The following ERBB4 variants were observed in gnomAD, a reference collection of about 807,000 sequenced individuals.
ERBB4 encodes the protein receptor tyrosine-protein kinase erbB-4.
In ERBB4, 42 loss-of-function variants were observed where a neutral mutation model predicts 158.0. That is an observed-to-expected ratio of 0.27 (90% CI 0.21 to 0.34). The LOEUF is 0.34. Ranked by LOEUF, ERBB4 falls within the 10% of genes least tolerant of loss-of-function variation. The pLI, the probability that ERBB4 is intolerant of heterozygous loss-of-function variation, is 1.00. For synonymous variants in ERBB4, 583 were observed against 558.7 expected, an observed-to-expected ratio of 1.04 and a Z score of -0.61; for missense variants, 1,333 against 1,624.1, an observed-to-expected ratio of 0.82 and a Z score of 3.08.
chr2:212,071,223 A>T lies in ERBB4; in HGVS notation c.234+53529T>A, dbSNP rs570955038. On this transcript the variant is annotated intron_variant, in intron 2 of 27. Coordinates refer to ENST00000342788, the MANE Select transcript of ERBB4 (RefSeq NM_005235.3). ...ACTTGATATAAAAATATTTTTAACAAACATCTATCTGATCTGGTCCATACC... is the reference window on the plus strand; with the variant it reads ...ACTTGATATAAAAATATTTTTAACATACATCTATCTGATCTGGTCCATACC... Among the ~76,000 whole-genome samples, 3 of 152,110 alleles carry T rather than the reference A, an allele frequency of 2.0e-5. No individual in the cohort carries two copies. In the South Asian group the frequency reaches 6.2e-4, roughly 31 times the overall value.
At chr2:211,804,952 C>T (rs1284449173) in intron 3 of ERBB4, among the ~76,000 whole-genome samples, 3 of 143,684 alleles carry the variant, frequency 2.1e-5, no homozygotes, top group Non-Finnish European at 4.5e-5. Context: ...TGGTGTGTTG[C>T]TCTGTCACCC....
At chr2:211,678,940 CA>C in intron 13 of ERBB4, 111 bp downstream of exon 13, 1 of 1,035,682 alleles carries the variant, frequency 9.7e-7, no homozygotes, top group African/African-American at 1.9e-5. Flanking sequence ...GCACTCCAGC[CA>C]GGGCGACAGA....
chr2:212,302,538 A>G (rs1479171924), intron 1 of ERBB4, among the ~76,000 whole-genome samples: 1 of 151,462 alleles, frequency 6.6e-6, no homozygotes, highest in African/African-American at 2.4e-5. Context: ...TACCTCATAT[A>G]ATTGCAGTAC....
chr2:211,994,380 C>T (rs920965581), intron 2 of ERBB4, among the ~76,000 whole-genome samples: 1 of 152,144 alleles, frequency 6.6e-6, no homozygotes, highest in Non-Finnish European at 1.5e-5. Flanking sequence ...CTCTCCTCCC[C>T]CATTGGCCTC....
At chr2:212,511,780 C>T (rs1433619506) in intron 1 of ERBB4, among the ~76,000 whole-genome samples, 2 of 150,270 alleles carry the variant, frequency 1.3e-5, no homozygotes, top group Admixed American at 1.3e-4. Context: ...TGGCCATAAA[C>T]GTGGCTTAAA....
rs1574501180 is a variant in ERBB4 at position 211,383,205 on chromosome 2, T to A, written c.*410A>T. Reference sequence around the variant, plus strand: ...ATATGCACACATCAGTTCCTGCAGATAGGAACAGATAGCATGGGTGTTTCA... The same window carrying A: ...ATATGCACACATCAGTTCCTGCAGAAAGGAACAGATAGCATGGGTGTTTCA... On this transcript the variant is annotated 3_prime_UTR_variant, in exon 28 of 28. Transcript: ENST00000342788. 4.2e-6 allele frequency: 1 copy of A among 239,144 alleles called. No individual in the cohort carries two copies. The allele number at this position is 239,144 out of a possible 1,614,324, so 14.8% of individuals were successfully genotyped here.
rs1188138692 is a variant in ERBB4 at position 212,008,585 on chromosome 2, G to A, written c.235-60969C>T. 2.0e-5 allele frequency among the ~76,000 whole-genome samples: 3 copies of A among 152,136 alleles called. No homozygotes were observed. The East Asian group carries it at 5.8e-4, about 29-fold the overall frequency. Reference sequence around the variant, plus strand: ...GCAATATAGAGAATGAGAAGACAGTGACTATACTCATTTTAACAGTTCACA... The same window carrying A: ...GCAATATAGAGAATGAGAAGACAGTAACTATACTCATTTTAACAGTTCACA... On this transcript the variant is annotated intron_variant, in intron 2 of 27. Transcript: ENST00000342788.
At chr2:211,991,569 G>A (rs1003666830) in intron 2 of ERBB4, among the ~76,000 whole-genome samples, 2 of 152,092 alleles carry the variant, frequency 1.3e-5, no homozygotes, top group Admixed American at 6.6e-5. Context: ...TCCCAGGAAA[G>A]GAGATATATA....
intron 20 of ERBB4, among the ~76,000 whole-genome samples, chr2:211,472,667 C>A (rs2125529421): frequency 6.6e-6 from 1 of 151,988 alleles, no homozygotes; most frequent in African/African-American, 2.4e-5. Flanking sequence ...TCTCTAATCA[C>A]CTTTTACTTA....
chr2:211,621,345 AT>A (rs1240024525), intron 18 of ERBB4, among the ~76,000 whole-genome samples: 2 of 152,260 alleles, frequency 1.3e-5, no homozygotes, highest in Admixed American at 6.5e-5. Context: ...GGAGAAAAAA[AT>A]AATCAAATAA....
rs190892132 is a variant in ERBB4, at chr2:211,383,912, G to A, written c.3630C>T (p.Asn1210=). ...CTTTTCCCAAGGTGTTGGCAAAGGT[G>A]TTGAGGTACAGTGGCTCATTCACAT... The part of the protein sequence containing the change: ...DEYVNEPLYL[N]TFANTLGKAE... The change falls in exon 28 of 28, where the codon AAC becomes AAT. Residue 1210 remains asparagine (N), a synonymous_variant. Coordinates refer to ENST00000342788, the MANE Select transcript of ERBB4 (RefSeq NM_005235.3). 146 of 1,614,096 alleles carry A rather than the reference G, an allele frequency of 9.0e-5. No individual in the cohort carries two copies. The highest frequency in any genetic ancestry group is 3.3e-4 in the Middle Eastern group (2 of 6,062).
At chr2:212,273,040 T>C (rs1395977147) in intron 1 of ERBB4, among the ~76,000 whole-genome samples, 1 of 151,738 alleles carries the variant, frequency 6.6e-6, no homozygotes, top group Non-Finnish European at 1.5e-5. Flanking sequence ...TATTTACATA[T>C]GTTTACTGAC....
At position 211,750,696 on chromosome 2, in the gene ERBB4, A is replaced by T. The variant is rs1372741004; in HGVS notation, c.565T>A (p.Cys189Ser). Residue 189 changes from cysteine (C) to serine (S), a missense_variant, in exon 5 of 28, where the codon TGC becomes AGC. Physicochemically the swap from Cys to Ser is moderately radical, Grantham distance 112. Transcript: ENST00000342788. ...STNGSSGCGR[C>S]HKSCTGRCWG... ...CAACGGCCAGTACAGGACTTATGGC[A>T]ACGTCCACCTGCAGAACACGAAAAG... The T allele has an allele frequency of 6.2e-7, 1 of 1,613,916 alleles. No individual in the cohort carries two copies. The highest frequency in any genetic ancestry group is 8.5e-7 in the Non-Finnish European group (1 of 1,179,836).
intron 3 of ERBB4, among the ~76,000 whole-genome samples, chr2:211,793,492 G>C (rs1330604646): frequency 6.6e-6 from 1 of 151,762 alleles, no homozygotes; most frequent in East Asian, 1.9e-4. Flanking sequence ...AAGTCAAAGG[G>C]CAGAATCAAG....
At position 211,420,531 on chromosome 2, in the gene ERBB4, A is replaced by G. The variant is rs2125403784; in HGVS notation, c.3045T>C (p.Asp1015=). 1.9e-6 allele frequency: 3 copies of G among 1,612,764 alleles called. No individual in the cohort carries two copies. The highest frequency in any genetic ancestry group is 1.1e-5 in the South Asian group (1 of 91,044). ...QNLLDEEDLE[D]MMDAEEYLVP... Reference sequence around the variant, plus strand: ...CCAAGTACTCCTCAGCATCCATCATATCTTCCAAATCCTCTTCATCCAAGA... The same window carrying G: ...CCAAGTACTCCTCAGCATCCATCATGTCTTCCAAATCCTCTTCATCCAAGA... The change falls in exon 25 of 28, where the codon GAT becomes GAC. Residue 1015 remains aspartate (D), a synonymous_variant. Coordinates refer to ENST00000342788, the MANE Select transcript of ERBB4 (RefSeq NM_005235.3).
intron 1 of ERBB4, among the ~76,000 whole-genome samples, chr2:212,533,392 A>G (rs552008628): frequency 6.6e-6 from 1 of 152,350 alleles, no homozygotes; most frequent in South Asian, 2.1e-4. Context: ...TCTCCCAGGC[A>G]GAGAAGCCAA....
chr2:212,036,621 C>G (rs376196340), intron 2 of ERBB4, among the ~76,000 whole-genome samples: 9 of 152,072 alleles, frequency 5.9e-5, no homozygotes, highest in African/African-American at 1.9e-4. Flanking sequence ...CCCGCCACCA[C>G]GCCCAGCTAA....
At chr2:212,293,328 TCA>T (rs2086277438) in intron 1 of ERBB4, among the ~76,000 whole-genome samples, 2 of 151,998 alleles carry the variant, frequency 1.3e-5, no homozygotes, top group Non-Finnish European at 2.9e-5. Flanking sequence ...AAATCTCATC[TCA>T]CAATTTAATG....
intron 1 of ERBB4, among the ~76,000 whole-genome samples, chr2:212,339,525 T>C (rs563370379): frequency 1.3e-5 from 2 of 152,296 alleles, no homozygotes; most frequent in East Asian, 3.9e-4. Flanking sequence ...TACAACTTGA[T>C]GCAAATTTTG....
Sources: allele counts gnomAD v4.1 joint callset (sites outside exome capture counted in the v4.1 genomes callset), GRCh38; gene constraint gnomAD v4.1.1; transcripts MANE v1.5; gene names NCBI Gene and HGNC (gene_info 2026-07-23, HGNC 2026-07-21).